Variants in PCSK5 observed in about 807,000 individuals in gnomAD.
PCSK5 encodes the protein prohormone convertase 5.
A neutral mutation model predicts 233.2 loss-of-function variants in PCSK5; 129 were observed. The ratio of observed to expected loss-of-function variants is 0.55; its 90% CI spans 0.48 to 0.64. The LOEUF is 0.64. Among genes scored for constraint, PCSK5 ranks in the 30% least tolerant of loss-of-function variants. PCSK5 has a pLI of 0.00. For synonymous variants in PCSK5, 825 were observed against 879.2 expected (o/e 0.94, Z 1.09); for missense variants, 2,076 against 2,430.1 (o/e 0.85, Z 3.06).
intron 9 of PCSK5, among the ~76,000 whole-genome samples, chr9:76,119,957 C>T (rs1258102312): frequency 6.6e-6 from 1 of 152,030 alleles, no homozygotes; most frequent in Admixed American, 6.6e-5. Context: ...CCATCACCAC[C>T]CTTCCCAGCC....
chr9:75,978,181 T>G (rs1826112832), intron 2 of PCSK5, among the ~76,000 whole-genome samples: 1 of 152,140 alleles, frequency 6.6e-6, no homozygotes. Flanking sequence ...AGGAGAAAAT[T>G]TAGACATCCC....
intron 24 of PCSK5, among the ~76,000 whole-genome samples, chr9:76,266,726 T>C (rs1170898877): frequency 6.6e-6 from 1 of 152,178 alleles, no homozygotes; most frequent in Non-Finnish European, 1.5e-5. Context: ...GCATCTATCA[T>C]TGAATAGAGC....
intron 24 of PCSK5, among the ~76,000 whole-genome samples, chr9:76,253,808 T>C (rs1280675763): frequency 6.6e-6 from 1 of 152,166 alleles, no homozygotes; most frequent in East Asian, 1.9e-4. Flanking sequence ...AATGACAGAG[T>C]AATTCAGAAG....
chr9:76,073,842 TTTCA>T (rs797018732), intron 7 of PCSK5, among the ~76,000 whole-genome samples: 62 of 152,248 alleles, frequency 4.1e-4, no homozygotes, highest in African/African-American at 1.3e-3. Context: ...CTGGGGAGTC[TTTCA>T]TTCAGTGGAA....
chr9:76,165,196 A>T (rs907825020), intron 12 of PCSK5, among the ~76,000 whole-genome samples: 2 of 152,212 alleles, frequency 1.3e-5, no homozygotes, highest in African/African-American at 4.8e-5. Flanking sequence ...GAATCACTTT[A>T]AAAAAATAAA....
intron 20 of PCSK5, among the ~76,000 whole-genome samples, chr9:76,220,526 CAAA>C (rs57063521): frequency 4.0e-5 from 4 of 100,530 alleles, no homozygotes; most frequent in Non-Finnish European, 3.8e-5. Flanking sequence ...GACTCTGTCT[CAAA>C]AAAAAAAAAA....
chr9:76,206,312 G>T (rs1002985458), intron 20 of PCSK5, among the ~76,000 whole-genome samples: 2 of 152,158 alleles, frequency 1.3e-5, no homozygotes, highest in African/African-American at 4.8e-5. Flanking sequence ...TGTAACTTTG[G>T]ATAAAGTATT....
chr9:76,229,038 A>G (rs933817092), intron 21 of PCSK5, among the ~76,000 whole-genome samples: 2 of 152,216 alleles, frequency 1.3e-5, no homozygotes, highest in South Asian at 2.1e-4. Flanking sequence ...GAAGGAAAAG[A>G]GGAAAGAAGG....
chr9:76,165,974 T>C (rs1823071118), intron 12 of PCSK5, among the ~76,000 whole-genome samples: 1 of 152,260 alleles, frequency 6.6e-6, no homozygotes, highest in Admixed American at 6.5e-5. Flanking sequence ...CTACAAGCTA[T>C]ATTACCTTTT....
intron 36 of PCSK5, among the ~76,000 whole-genome samples, chr9:76,351,447 G>GGAAAGAAGAAAGAAAGAAA (rs1830123374): frequency 3.6e-5 from 1 of 27,460 alleles, no homozygotes; most frequent in Non-Finnish European, 7.7e-5. Context: ...GTGAAAGAAA[G>GGAAAGAAGAAAGAAAGAAA]GAAAGAAAGA....
At chr9:75,908,375 A>C (rs909410095) in intron 1 of PCSK5, among the ~76,000 whole-genome samples, 7 of 152,232 alleles carry the variant, frequency 4.6e-5, no homozygotes, top group African/African-American at 1.4e-4. Flanking sequence ...ATATGGTTTG[A>C]AAGTAGAGCT....
intron 36 of PCSK5, 65 bp from the exon 37 acceptor site, chr9:76,353,968 T>C: frequency 8.8e-7 from 1 of 1,141,464 alleles, no homozygotes; most frequent in Non-Finnish European, 1.3e-6. Flanking sequence ...AGATACAATC[T>C]GGGAACTCCA....
chr9:76,299,157 C>A (rs1410989869), intron 27 of PCSK5, among the ~76,000 whole-genome samples: 1 of 152,172 alleles, frequency 6.6e-6, no homozygotes, highest in Non-Finnish European at 1.5e-5. Flanking sequence ...AGTGGGAATA[C>A]CTCCTACCTA....
At chr9:76,265,870 G>C (rs989449933) in intron 24 of PCSK5, among the ~76,000 whole-genome samples, 1 of 152,086 alleles carries the variant, frequency 6.6e-6, no homozygotes, top group African/African-American at 2.4e-5. Flanking sequence ...ATTCTTGCAA[G>C]TTTTCTGTAA....
At chr9:76,036,308 G>A (rs567255025) in intron 5 of PCSK5, among the ~76,000 whole-genome samples, 2 of 152,240 alleles carry the variant, frequency 1.3e-5, no homozygotes, top group South Asian at 4.1e-4. Flanking sequence ...TTAATAAAAG[G>A]TGAATAACAC....
chr9:75,993,876 A>G (rs1563960716), intron 3 of PCSK5, among the ~76,000 whole-genome samples: 1 of 152,218 alleles, frequency 6.6e-6, no homozygotes. Flanking sequence ...CTCAGTGCCC[A>G]GTATTAGGAG....
At chr9:76,160,015 G>T (rs980837143) in intron 12 of PCSK5, among the ~76,000 whole-genome samples, 1 of 151,900 alleles carries the variant, frequency 6.6e-6, no homozygotes, top group Non-Finnish European at 1.5e-5. Context: ...TAGAGACGGG[G>T]TTTCACCACG....
intron 7 of PCSK5, among the ~76,000 whole-genome samples, chr9:76,078,244 A>T (rs118137244): frequency 2.6e-5 from 4 of 152,134 alleles, no homozygotes; most frequent in Non-Finnish European, 4.4e-5. Context: ...TTATTTATTG[A>T]TAATTTCTTT....
intron 10 of PCSK5, among the ~76,000 whole-genome samples, chr9:76,138,322 G>A (rs1312543482): frequency 6.6e-6 from 1 of 152,076 alleles, no homozygotes. Context: ...TCAGGTTAAT[G>A]TCGGCAGCAG....
Sources: gnomAD v4.1 joint callset for allele counts (sites outside exome capture counted in the v4.1 genomes callset) on GRCh38, gnomAD v4.1.1 for gene constraint, MANE v1.5 for transcripts, NCBI Gene and HGNC (gene_info 2026-07-23, HGNC 2026-07-21) for gene names.